PIP5K1B: variants seen among roughly 807,000 people sequenced by gnomAD.
PIP5K1B encodes the protein phosphatidylinositol 4-phosphate 5-kinase type-1 beta.
In PIP5K1B, 42 loss-of-function variants were observed where a neutral mutation model predicts 67.0. The ratio of observed to expected loss-of-function variants is 0.63; its 90% confidence interval spans 0.49 to 0.81. The LOEUF is 0.81. Among genes scored for constraint, PIP5K1B ranks in the 30% least tolerant of loss-of-function variants. The pLI, the probability that PIP5K1B is intolerant of heterozygous loss-of-function variation, is 0.00. For synonymous variants in PIP5K1B, 214 were observed against 231.4 expected (o/e 0.92, Z 0.68); for missense variants, 459 against 646.3 (o/e 0.71, Z 3.14).
intron 2 of PIP5K1B, among the ~76,000 whole-genome samples, chr9:68,749,458 T>C (rs114657553): frequency 5.4e-4 from 82 of 152,308 alleles, no homozygotes; most frequent in African/African-American, 1.9e-3. Context: ...ACATTGGTTT[T>C]GGACTTCTCG....
At chr9:68,892,162 A>G (rs1360173502) in intron 7 of PIP5K1B, among the ~76,000 whole-genome samples, 2 of 152,220 alleles carry the variant, frequency 1.3e-5, no homozygotes, top group Non-Finnish European at 2.9e-5. Flanking sequence ...ACTGCTCCCA[A>G]ATCAACTTAT....
At chr9:68,794,690 G>T (rs1329746860) in intron 2 of PIP5K1B, among the ~76,000 whole-genome samples, 4 of 128,590 alleles carry the variant, frequency 3.1e-5, no homozygotes, top group Non-Finnish European at 5.0e-5. Context: ...AGTGAGTGCT[G>T]TAAATTAAAA....
intron 14 of PIP5K1B, among the ~76,000 whole-genome samples, chr9:68,943,653 T>C (rs1487817924): frequency 2.0e-5 from 3 of 151,918 alleles, no homozygotes; most frequent in African/African-American, 4.8e-5. Flanking sequence ...AGAAAATGCA[T>C]TGAAAAGAAA....
chr9:68,804,816 G>A (rs894524540), intron 2 of PIP5K1B, among the ~76,000 whole-genome samples: 1 of 152,150 alleles, frequency 6.6e-6, no homozygotes, highest in Non-Finnish European at 1.5e-5. Flanking sequence ...AAGCAATGAG[G>A]ATAATAACAG....
chr9:69,002,697 T>C (rs1470175434), intron 15 of PIP5K1B, among the ~76,000 whole-genome samples: 1 of 152,110 alleles, frequency 6.6e-6, no homozygotes, highest in African/African-American at 2.4e-5. Context: ...AACTTAGGGA[T>C]CTCAACCAGG....
chr9:68,921,794 T>C (rs1012624545), intron 11 of PIP5K1B, among the ~76,000 whole-genome samples: 1 of 152,194 alleles, frequency 6.6e-6, no homozygotes, highest in African/African-American at 2.4e-5. Context: ...GACGTTGCAG[T>C]GAGCCAAGAT....
At chr9:68,778,137 A>G (rs1291556130) in intron 2 of PIP5K1B, among the ~76,000 whole-genome samples, 3 of 152,236 alleles carry the variant, frequency 2.0e-5, no homozygotes, top group African/African-American at 7.2e-5. Context: ...AATTCAGAAA[A>G]AACAATACAG....
chr9:68,966,886 T>A (rs1829064634), intron 14 of PIP5K1B, among the ~76,000 whole-genome samples: 1 of 152,218 alleles, frequency 6.6e-6, no homozygotes, highest in African/African-American at 2.4e-5. Context: ...CTTGAAATGA[T>A]GGGAAACTCA....
intron 13 of PIP5K1B, 95 bp downstream of exon 13, chr9:68,935,140 A>G (rs1422162390): frequency 1.0e-6 from 1 of 998,782 alleles, no homozygotes; most frequent in Non-Finnish European, 1.5e-6. Flanking sequence ...TACCTGCTCT[A>G]AGAAATAAAA....
At chr9:68,813,909 G>A (rs982836300) in intron 2 of PIP5K1B, among the ~76,000 whole-genome samples, 1 of 152,150 alleles carries the variant, frequency 6.6e-6, no homozygotes, top group Non-Finnish European at 1.5e-5. Flanking sequence ...CAGAACTGTG[G>A]GAAAATAAAT....
intron 4 of PIP5K1B, among the ~76,000 whole-genome samples, chr9:68,840,124 C>G (rs1338197573): frequency 6.6e-6 from 1 of 152,208 alleles, no homozygotes; most frequent in African/African-American, 2.4e-5. Flanking sequence ...TGCCTGTAAT[C>G]CCAGCACGTT....
At chr9:68,992,088 C>G (rs1431029423) in intron 15 of PIP5K1B, among the ~76,000 whole-genome samples, 1 of 152,112 alleles carries the variant, frequency 6.6e-6, no homozygotes, top group African/African-American at 2.4e-5. Flanking sequence ...GCCTCAGCCT[C>G]CCTAGTAGCT....
intron 2 of PIP5K1B, chr9:68,788,554 A>G: frequency 3.7e-6 from 1 of 272,884 alleles, no homozygotes; most frequent in Non-Finnish European, 7.0e-6. Flanking sequence ...GTGGTTCCAC[A>G]GAACAATGGT....
chr9:68,874,552 G>A (rs180980516), intron 5 of PIP5K1B, among the ~76,000 whole-genome samples: 143 of 152,238 alleles, frequency 9.4e-4, no homozygotes, highest in African/African-American at 3.0e-3. Context: ...ATAATTAATG[G>A]AAACTTCAGG....
intron 8 of PIP5K1B, among the ~76,000 whole-genome samples, chr9:68,899,828 T>C (rs1825272200): frequency 6.6e-6 from 1 of 152,346 alleles, no homozygotes; most frequent in Non-Finnish European, 1.5e-5. Context: ...TAAATTGTCA[T>C]GAGGGTTTGC....
intron 8 of PIP5K1B, among the ~76,000 whole-genome samples, chr9:68,915,530 T>A (rs924624394): frequency 2.0e-5 from 3 of 152,218 alleles, no homozygotes; most frequent in African/African-American, 7.2e-5. Context: ...AGTGAGGCAC[T>A]GATAACACCT....
chr9:68,913,617 C>T (rs1036517481), intron 8 of PIP5K1B, among the ~76,000 whole-genome samples: 4 of 151,954 alleles, frequency 2.6e-5, no homozygotes, highest in Non-Finnish European at 5.9e-5. Context: ...CTTTTTGTTC[C>T]TTCAGATTTC....
rs150585224 is a variant in PIP5K1B at position 68,705,404 on chromosome 9, C to T, written c.-601C>T. On this transcript the variant is annotated 5_prime_UTR_variant, in exon 1 of 16. Coordinates refer to ENST00000265382, the MANE Select transcript of PIP5K1B (RefSeq NM_003558.4). ...GCCGCTCGGAGCTGCTGGGCTTTGG[C>T]GGCCGCTCGCTGCTCCGTCTGGCCG... The T allele has an allele frequency of 0.025, 3,715 of 151,616 alleles. 53 individuals are homozygous for T. Among genetic ancestry groups the T allele is most frequent in the Middle Eastern group, 0.044 (13 of 294 alleles). 9.4% of individuals were successfully genotyped at this position (151,616 alleles called of 1,614,324 possible).
At chr9:68,747,734 A>G (rs1187438970) in intron 2 of PIP5K1B, among the ~76,000 whole-genome samples, 1 of 152,154 alleles carries the variant, frequency 6.6e-6, no homozygotes, top group Non-Finnish European at 1.5e-5. Context: ...TCATAATCCA[A>G]AAAGTAGAGT....
Sources: allele counts gnomAD v4.1 joint callset (sites outside exome capture counted in the v4.1 genomes callset), GRCh38; gene constraint gnomAD v4.1.1; transcripts MANE v1.5; gene names NCBI Gene and HGNC (gene_info 2026-07-23, HGNC 2026-07-21).